CCDC30: variants seen among roughly 807,000 people sequenced by gnomAD.
The protein encoded by CCDC30 is coiled-coil domain containing 30, also known as coiled-coil domain-containing protein 30.
CCDC30 carries 70 observed loss-of-function variants against 100.2 expected under a neutral mutation model. That is an observed-to-expected ratio of 0.70 (90% CI 0.58 to 0.85). CCDC30 has a LOEUF of 0.85. Ranked by LOEUF, CCDC30 falls within the 40% of genes least tolerant of loss-of-function variation. The pLI is 0.00. For synonymous variants in CCDC30, 233 were observed against 269.5 expected, an observed-to-expected ratio of 0.86 and a Z score of 1.33; for missense variants, 652 against 771.2, an observed-to-expected ratio of 0.85 and a Z score of 1.83.
chr1:42,486,222 ACTGT>A (rs1436521019), intron 3 of CCDC30, among the ~76,000 whole-genome samples: 1 of 152,150 alleles, frequency 6.6e-6, no homozygotes, highest in Non-Finnish European at 1.5e-5. Context: ...AAACAACCCA[ACTGT>A]CTGTCAGTTG....
intron 10 of CCDC30, among the ~76,000 whole-genome samples, chr1:42,610,465 C>T (rs1048709771): frequency 1.3e-5 from 2 of 151,960 alleles, no homozygotes; most frequent in Non-Finnish European, 2.9e-5. Context: ...GCTCTGTCAC[C>T]CAGGCTGGAG....
At chr1:42,543,982 C>T (rs968311199) in intron 6 of CCDC30, among the ~76,000 whole-genome samples, 1 of 152,214 alleles carries the variant, frequency 6.6e-6, no homozygotes, top group Admixed American at 6.5e-5. Context: ...ATGAATCAGG[C>T]AGGCTATTGT....
At chr1:42,501,223 A>C (rs1199206555) in intron 6 of CCDC30, among the ~76,000 whole-genome samples, 1 of 146,018 alleles carries the variant, frequency 6.8e-6, no homozygotes, top group Non-Finnish European at 1.5e-5. Flanking sequence ...GGTAAAATTG[A>C]GAGGTTCATT....
chr1:42,569,361 C>A (rs1449514514), intron 7 of CCDC30, among the ~76,000 whole-genome samples: 4 of 152,056 alleles, frequency 2.6e-5, no homozygotes, highest in Non-Finnish European at 5.9e-5. Flanking sequence ...ATGCAGCCAG[C>A]AAACATATGA....
chr1:42,509,844 CAG>C (rs1557814974), intron 6 of CCDC30, among the ~76,000 whole-genome samples: 1 of 151,864 alleles, frequency 6.6e-6, no homozygotes, highest in African/African-American at 2.4e-5. Context: ...CCAGTTTGCA[CAG>C]AGAGAGAGAA....
At chr1:42,475,607 C>T (rs915668248) in intron 1 of CCDC30, among the ~76,000 whole-genome samples, 4 of 152,070 alleles carry the variant, frequency 2.6e-5, no homozygotes, top group African/African-American at 9.7e-5. Flanking sequence ...AAAATTATAT[C>T]TTCTACCCCA....
chr1:42,539,391 G>A, intron 6 of CCDC30, 81 bp downstream of exon 8: 3 of 1,281,144 alleles, frequency 2.3e-6, no homozygotes, highest in Non-Finnish European at 2.1e-6. Flanking sequence ...TTAATTTTAA[G>A]CAACAGATGA....
chr1:42,518,101 A>G (rs748245403), intron 6 of CCDC30, among the ~76,000 whole-genome samples: 1 of 152,212 alleles, frequency 6.6e-6, no homozygotes, highest in African/African-American at 2.4e-5. Flanking sequence ...AATCATGAAC[A>G]TGAATGTCTT....
chr1:42,498,734 T>G, intron 5 of CCDC30, 84 bp from the exon 6 acceptor site: 2 of 545,648 alleles, frequency 3.7e-6, no homozygotes, highest in Non-Finnish European at 2.8e-6. Context: ...TATTTATATA[T>G]TACTTGTATA....
chr1:42,624,686 C>T (rs1283348529), intron 11 of CCDC30, among the ~76,000 whole-genome samples: 2 of 152,156 alleles, frequency 1.3e-5, no homozygotes, highest in Non-Finnish European at 2.9e-5. Context: ...GCTATGTTAT[C>T]CAAGCTGGCC....
rs528100773 is a variant in CCDC30, at chr1:42,581,193, C to A, written c.847-167C>A. Among the ~76,000 whole-genome samples the A allele has an allele frequency of 2.6e-5, 4 of 152,266 alleles. No individual in the cohort carries two copies. In the South Asian group the frequency reaches 8.3e-4, roughly 32 times the overall value. On this transcript the variant is annotated intron_variant, in intron 8 of 16. Coordinates refer to ENST00000668663, the Ensembl canonical transcript of CCDC30. ...AATTATATGAATGCATTACATACTGCAAAAATTAAACAATTTATTTTAAAA... is the reference window on the plus strand; with the variant it reads ...AATTATATGAATGCATTACATACTGAAAAAATTAAACAATTTATTTTAAAA...
chr1:42,605,488 A>AT (rs954904894), intron 10 of CCDC30, among the ~76,000 whole-genome samples: 3 of 151,928 alleles, frequency 2.0e-5, no homozygotes, highest in South Asian at 2.1e-4. Flanking sequence ...CAAAGTCATT[A>AT]TTTTTTTTCA....
At chr1:42,598,379 G>A (rs1309410626) in intron 10 of CCDC30, among the ~76,000 whole-genome samples, 1 of 150,970 alleles carries the variant, frequency 6.6e-6, no homozygotes, top group Non-Finnish European at 1.5e-5. Context: ...TTAGCTGGAT[G>A]TGGTGGCATG....
chr1:42,633,707 C>T lies in CCDC30; in HGVS notation c.1278-3530C>T, dbSNP rs114453166. Among the ~76,000 whole-genome samples the T allele has an allele frequency of 2.0e-3, 304 of 152,116 alleles. 1 individual carries two copies. Among genetic ancestry groups the T allele is most frequent in the African/African-American group, 7.2e-3 (297 of 41,482 alleles). ...GGAGAAACATTTGAGGCTAGGAGTT[C>T]GAGACCAGCCTGGGCAACATAGCGA... On this transcript the variant is annotated intron_variant, in intron 11 of 16. Coordinates refer to ENST00000668663, the Ensembl canonical transcript of CCDC30.
intron 6 of CCDC30, among the ~76,000 whole-genome samples, chr1:42,505,828 A>G (rs1189021302): frequency 2.0e-5 from 3 of 152,050 alleles, no homozygotes; most frequent in African/African-American, 7.2e-5. Flanking sequence ...TGCCTGGGGG[A>G]CTGTGTAGGC....
chr1:42,459,501 T>C, upstream of CCDC30: 1 of 1,025,664 alleles, frequency 9.7e-7, no homozygotes. Context: ...AGTTTGATGG[T>C]TGAGAAATCC....
intron 7 of CCDC30, among the ~76,000 whole-genome samples, chr1:42,574,963 C>T (rs1420254800): frequency 6.6e-6 from 1 of 152,200 alleles, no homozygotes; most frequent in African/African-American, 2.4e-5. Flanking sequence ...TCATTTAATG[C>T]AGCCTCACAA....
intron 6 of CCDC30, among the ~76,000 whole-genome samples, chr1:42,505,463 G>A (rs1644380418): frequency 6.6e-6 from 1 of 152,192 alleles, no homozygotes; most frequent in Non-Finnish European, 1.5e-5. Context: ...AATGACAAAT[G>A]TATAAGTTTT....
intron 11 of CCDC30, among the ~76,000 whole-genome samples, chr1:42,636,963 C>G (rs920531963): frequency 3.1e-5 from 1 of 32,708 alleles, no homozygotes; most frequent in Non-Finnish European, 5.0e-5. Context: ...AAGACTCCAT[C>G]TCAAAAAAAA....
Sources: gnomAD v4.1 joint callset for allele counts (sites outside exome capture counted in the v4.1 genomes callset) on GRCh38, gnomAD v4.1.1 for gene constraint, MANE v1.5 for transcripts, NCBI Gene and HGNC (gene_info 2026-07-23, HGNC 2026-07-21) for gene names.